The following NAA11 variants were observed in gnomAD, a reference collection of about 807,000 sequenced individuals.
NAA11 encodes the protein N-alpha-acetyltransferase 11.
In NAA11, 15 loss-of-function variants were observed where a neutral mutation model predicts 16.1. The ratio of observed to expected loss-of-function variants is 0.93; its 90% CI spans 0.62 to 1.44. The LOEUF is 1.44. Among genes scored for constraint, NAA11 ranks in the 40% most tolerant of loss-of-function variants. NAA11 has a pLI of 0.00. For synonymous variants in NAA11, 122 were observed against 112.4 expected (o/e 1.09, Z -0.54); for missense variants, 298 against 291.3 (o/e 1.02, Z -0.17).
chr4:79,218,851 C>T, the NAA11 span, among the ~76,000 whole-genome samples: 1 of 152,072 alleles, frequency 6.6e-6, no homozygotes, highest in African/African-American at 2.4e-5. Context: ...GATGTATATG[C>T]TGAATTCAAT....
the NAA11 span, among the ~76,000 whole-genome samples, chr4:79,219,664 A>G: frequency 6.6e-6 from 1 of 152,176 alleles, no homozygotes; most frequent in Non-Finnish European, 1.5e-5. Flanking sequence ...CAATGATCAC[A>G]TATATACCTC....
At chr4:79,163,792 G>T in the NAA11 span, among the ~76,000 whole-genome samples, 2 of 152,102 alleles carry the variant, frequency 1.3e-5, no homozygotes, top group African/African-American at 2.4e-5. Context: ...TTCTGTCAGG[G>T]GTTTGCAGGA....
chr4:79,300,327 C>T, intron 1 of NAA11, among the ~76,000 whole-genome samples: 1 of 152,278 alleles, frequency 6.6e-6, no homozygotes, highest in African/African-American at 2.4e-5. Flanking sequence ...ATTTTGTTGC[C>T]TATTTCAAGT....
intron 1 of NAA11, among the ~76,000 whole-genome samples, chr4:79,319,917 T>C (rs1724041963): frequency 1.3e-5 from 2 of 152,250 alleles, no homozygotes; most frequent in Admixed American, 6.5e-5. Context: ...TGACTGCTCA[T>C]GTGAACATTT....
intron 2 of NAA11, chr4:79,227,308 T>G (rs1196656347): frequency 6.6e-6 from 1 of 151,884 alleles, no homozygotes. Flanking sequence ...TCAAACAAAT[T>G]TACAAGCACA....
At chr4:79,314,279 A>T (rs1030577008), downstream of NAA11, among the ~76,000 whole-genome samples, 1 of 152,158 alleles carries the variant, frequency 6.6e-6, no homozygotes, top group African/African-American at 2.4e-5. Flanking sequence ...AAATTTTGTT[A>T]TATCTCCTCT....
the NAA11 span, among the ~76,000 whole-genome samples, chr4:79,175,390 G>A: frequency 6.6e-6 from 1 of 152,054 alleles, no homozygotes; most frequent in African/African-American, 2.4e-5. Context: ...AATTAATCAA[G>A]TAGCCTAAGG....
chr4:79,172,103 C>G, the NAA11 span, among the ~76,000 whole-genome samples: 30 of 152,072 alleles, frequency 2.0e-4, no homozygotes, highest in African/African-American at 7.2e-4. Context: ...AGGAACTTGT[C>G]TATTTTGCTA....
rs1721530657 is a variant in NAA11 at position 79,234,532 on chromosome 4, A to T, written c.*123-8262T>A. On this transcript the variant is annotated intron_variant and NMD_transcript_variant, in intron 2 of 2. Transcript: ENST00000511542. ...CACAGACACCTTTGTTTTTGGGTTCATGCTGACAATAGAAAGCAGTGAATT... is the reference window on the plus strand; with the variant it reads ...CACAGACACCTTTGTTTTTGGGTTCTTGCTGACAATAGAAAGCAGTGAATT... Among the ~76,000 whole-genome samples the T allele has an allele frequency of 2.0e-5, 3 of 152,154 alleles. No individual in the cohort carries two copies. The South Asian group carries it at 6.2e-4, about 31-fold the overall frequency.
chr4:79,191,887 A>G, the NAA11 span, among the ~76,000 whole-genome samples: 1 of 152,138 alleles, frequency 6.6e-6, no homozygotes, highest in Non-Finnish European at 1.5e-5. Flanking sequence ...TCCAACTTCA[A>G]TCTTCTGCAT....
chr4:79,320,049 A>G (rs1171520680), intron 1 of NAA11, among the ~76,000 whole-genome samples: 1 of 152,082 alleles, frequency 6.6e-6, no homozygotes, highest in African/African-American at 2.4e-5. Context: ...AAGATTTTGC[A>G]TTTTTTTCAT....
chr4:79,291,858 G>A (rs1405502559), intron 2 of NAA11, among the ~76,000 whole-genome samples: 1 of 152,124 alleles, frequency 6.6e-6, no homozygotes, highest in Non-Finnish European at 1.5e-5. Flanking sequence ...CATAGTAATA[G>A]TAAATAATTG....
chr4:79,175,052 C>T, the NAA11 span, among the ~76,000 whole-genome samples: 1 of 152,114 alleles, frequency 6.6e-6, no homozygotes, highest in African/African-American at 2.4e-5. Flanking sequence ...TCACATGCTG[C>T]CCCTGTGGAG....
the NAA11 span, among the ~76,000 whole-genome samples, chr4:79,214,284 A>G: frequency 1.3e-5 from 2 of 152,228 alleles, no homozygotes; most frequent in Non-Finnish European, 1.5e-5. Context: ...ATGGAGACCA[A>G]TATGACAGAA....
chr4:79,202,623 T>TTTTATATATATATATATATA, the NAA11 span, among the ~76,000 whole-genome samples: 48 of 52,634 alleles, frequency 9.1e-4, 1 homozygote, highest in Admixed American at 5.8e-3. Flanking sequence ...ATATATAGTT[T>TTTTATATATATATATATATA]TATATATATA....
chr4:79,204,852 G>T, the NAA11 span, among the ~76,000 whole-genome samples: 2 of 151,356 alleles, frequency 1.3e-5, no homozygotes, highest in Non-Finnish European at 2.9e-5. Flanking sequence ...TTAGGATAAT[G>T]GCCTCCAGTT....
the NAA11 span, among the ~76,000 whole-genome samples, chr4:79,211,049 G>GC: frequency 6.6e-6 from 1 of 151,604 alleles, no homozygotes; most frequent in Admixed American, 6.6e-5. Context: ...GCTTTTTTTT[G>GC]CCCAGTAATC....
the NAA11 span, among the ~76,000 whole-genome samples, chr4:79,181,099 G>C: frequency 1.3e-5 from 2 of 151,978 alleles, no homozygotes; most frequent in Non-Finnish European, 2.9e-5. Flanking sequence ...GGGAGGGGGA[G>C]GGATACCATT....
chr4:79,308,615 T>A (rs1723662376), intron 1 of NAA11: 1 of 152,206 alleles, frequency 6.6e-6, no homozygotes. Context: ...AAGATCTCTA[T>A]CCACTTTTAT....
Sources: allele counts gnomAD v4.1 joint callset (sites outside exome capture counted in the v4.1 genomes callset), GRCh38; gene constraint gnomAD v4.1.1; transcripts MANE v1.5; gene names NCBI Gene and HGNC (gene_info 2026-07-23, HGNC 2026-07-21).